Variants in TMEM132B observed in about 807,000 individuals in gnomAD.
The protein encoded by TMEM132B is transmembrane protein 132B.
A neutral mutation model predicts 90.8 loss-of-function variants in TMEM132B; 18 were observed. The observed-to-expected ratio is 0.20, with a 90% CI of 0.14 to 0.29. TMEM132B has a LOEUF of 0.29. Among genes scored for constraint, TMEM132B ranks in the 10% least tolerant of loss-of-function variants. TMEM132B has a pLI of 1.00. For synonymous variants in TMEM132B, 504 were observed against 523.3 expected (o/e 0.96, Z 0.50); for missense variants, 1,096 against 1,326.8 (o/e 0.83, Z 2.70).
chr12:125,425,281 T>A lies in TMEM132B; in HGVS notation c.1106+9604T>A, dbSNP rs191605209. Among the ~76,000 whole-genome samples the A allele has an allele frequency of 3.7e-4, 57 of 152,344 alleles. No homozygotes were observed. In the East Asian group the frequency reaches 7.1e-3, roughly 19 times the overall value. Reference sequence around the variant, plus strand: ...GACTTGTACAAAGAATTTTCAATTATACATTTACAAAAATGTAATAGCCTT... The same window carrying A: ...GACTTGTACAAAGAATTTTCAATTAAACATTTACAAAAATGTAATAGCCTT... On this transcript the variant is annotated intron_variant, in intron 3 of 8. Coordinates refer to ENST00000682704, the MANE Select transcript of TMEM132B (RefSeq NM_001366854.1).
At chr12:125,447,885 G>A (rs1262769901) in intron 3 of TMEM132B, among the ~76,000 whole-genome samples, 1 of 152,072 alleles carries the variant, frequency 6.6e-6, no homozygotes, top group African/African-American at 2.4e-5. Flanking sequence ...TACTTTCATG[G>A]TAATATTTCT....
At chr12:125,439,513 G>T (rs1465461641) in intron 3 of TMEM132B, among the ~76,000 whole-genome samples, 1 of 152,192 alleles carries the variant, frequency 6.6e-6, no homozygotes, top group Non-Finnish European at 1.5e-5. Flanking sequence ...TTTGCACATT[G>T]ATTTTGTATC....
intron 2 of TMEM132B, among the ~76,000 whole-genome samples, chr12:125,390,285 C>T (rs1878972132): frequency 6.6e-6 from 1 of 152,194 alleles, no homozygotes; most frequent in African/African-American, 2.4e-5. Context: ...TATATTCATG[C>T]AGTGAGAAAA....
At chr12:125,191,094 A>G (rs1465948654) in intron 1 of TMEM132B, among the ~76,000 whole-genome samples, 3 of 13,016 alleles carry the variant, frequency 2.3e-4, no homozygotes, top group Non-Finnish European at 3.9e-4. Flanking sequence ...AGGGGTGGCG[A>G]TGGTGATGGG....
intron 4 of TMEM132B, among the ~76,000 whole-genome samples, chr12:125,577,294 A>AT (rs1421468846): frequency 4.6e-5 from 7 of 150,590 alleles, no homozygotes; most frequent in Non-Finnish European, 8.9e-5. Context: ...TTCCTCTATA[A>AT]TTTTTTTTCC....
At chr12:125,368,700 A>G (rs1437159631) in intron 2 of TMEM132B, among the ~76,000 whole-genome samples, 2 of 152,198 alleles carry the variant, frequency 1.3e-5, no homozygotes, top group Non-Finnish European at 2.9e-5. Flanking sequence ...TATAGGACAC[A>G]TGCTCCTCAG....
At chr12:125,245,251 T>C (rs1218014106) in intron 1 of TMEM132B, among the ~76,000 whole-genome samples, 1 of 151,924 alleles carries the variant, frequency 6.6e-6, no homozygotes, top group Non-Finnish European at 1.5e-5. Flanking sequence ...CCTTTCCTTG[T>C]TCCCAGATGC....
intron 3 of TMEM132B, among the ~76,000 whole-genome samples, chr12:125,475,155 A>AGT (rs377654898): frequency 6.9e-4 from 104 of 151,630 alleles, no homozygotes; most frequent in African/African-American, 1.6e-3. Flanking sequence ...ATAAATTAGA[A>AGT]GTGTGTGTGT....
intron 5 of TMEM132B, among the ~76,000 whole-genome samples, chr12:125,616,078 T>C (rs1262413818): frequency 1.3e-5 from 2 of 148,426 alleles, no homozygotes; most frequent in Admixed American, 6.7e-5. Flanking sequence ...CATAATGCTA[T>C]CCCTCTCCCC....
At chr12:125,276,550 A>C (rs1257632021) in intron 1 of TMEM132B, among the ~76,000 whole-genome samples, 1 of 152,226 alleles carries the variant, frequency 6.6e-6, no homozygotes, top group Non-Finnish European at 1.5e-5. Context: ...GGTGTCCGTC[A>C]AGGCTGAATG....
rs997459671 is a variant in TMEM132B, at chr12:125,407,859, G to C, written c.960-7672G>C. ...CCTCCTGGCTCTGACTTACGTCCCT[G>C]TTACAATGCACTTGCTCTGTTTTGA... On this transcript the variant is annotated intron_variant, in intron 2 of 8. Coordinates refer to ENST00000682704, the MANE Select transcript of TMEM132B (RefSeq NM_001366854.1). The surrounding 1 kb of genome is among the most constrained non-coding windows in gnomAD (Gnocchi z 6.7). Among the ~76,000 whole-genome samples, 1 of 152,214 alleles carries C rather than the reference G, an allele frequency of 6.6e-6. No homozygotes were observed. The highest frequency in any genetic ancestry group is 1.5e-5 in the Non-Finnish European group (1 of 68,038).
At chr12:125,359,970 T>C (rs138768905) in intron 2 of TMEM132B, among the ~76,000 whole-genome samples, 1,748 of 152,120 alleles carry the variant, frequency 0.011, 36 homozygotes, top group African/African-American at 0.039. Flanking sequence ...CCCAGCTACT[T>C]GGGAGGCTGA....
intron 1 of TMEM132B, among the ~76,000 whole-genome samples, chr12:125,314,444 G>A (rs979447936): frequency 1.3e-5 from 2 of 152,198 alleles, no homozygotes; most frequent in Non-Finnish European, 2.9e-5. Flanking sequence ...CCTTGAAGGC[G>A]AGGAACAGGG....
intron 3 of TMEM132B, among the ~76,000 whole-genome samples, chr12:125,468,239 G>T (rs556351473): frequency 4.6e-5 from 7 of 151,824 alleles, no homozygotes; most frequent in Admixed American, 3.3e-4. Flanking sequence ...ATGTAGGAAG[G>T]TTCCAATTTC....
At chr12:125,215,789 G>A (rs1395455394) in intron 1 of TMEM132B, among the ~76,000 whole-genome samples, 2 of 152,180 alleles carry the variant, frequency 1.3e-5, no homozygotes, top group Non-Finnish European at 2.9e-5. Context: ...TGATCCACCC[G>A]CCTTGGCCTC....
chr12:125,650,009 G>A (rs1251940393), intron 6 of TMEM132B, among the ~76,000 whole-genome samples: 1 of 152,188 alleles, frequency 6.6e-6, no homozygotes, highest in Non-Finnish European at 1.5e-5. Context: ...GATTAGGGTA[G>A]GATGGTGGAA....
rs58175845 is a variant in TMEM132B, at chr12:125,534,219, T to A, written c.1293+14594T>A. ...ATCACTACAAGGAATACTGGTTTTTTAAAAATCACCTTGCTGGCTGGGCAC... is the reference window on the plus strand; with the variant it reads ...ATCACTACAAGGAATACTGGTTTTTAAAAAATCACCTTGCTGGCTGGGCAC... On this transcript the variant is annotated intron_variant, in intron 4 of 8. Transcript: ENST00000682704. 3.9e-3 allele frequency among the ~76,000 whole-genome samples: 590 copies of A among 152,244 alleles called. 4 individuals carry two copies. Among genetic ancestry groups the A allele is most frequent in the African/African-American group, 0.014 (569 of 41,516 alleles).
chr12:125,359,873 A>T (rs1213413372), intron 2 of TMEM132B, among the ~76,000 whole-genome samples: 1 of 152,156 alleles, frequency 6.6e-6, no homozygotes, highest in Non-Finnish European at 1.5e-5. Flanking sequence ...AGGTCAAGAG[A>T]TTGAGACCAT....
At chr12:125,614,153 G>C (rs952298803) in intron 5 of TMEM132B, among the ~76,000 whole-genome samples, 1 of 152,060 alleles carries the variant, frequency 6.6e-6, no homozygotes, top group Non-Finnish European at 1.5e-5. Flanking sequence ...TTAGAAATGT[G>C]AGTACATGTG....
Sources: allele counts gnomAD v4.1 joint callset (sites outside exome capture counted in the v4.1 genomes callset), GRCh38; gene constraint gnomAD v4.1.1; non-coding constraint Gnocchi (gnomAD v3.1); transcripts MANE v1.5; gene names NCBI Gene and HGNC (gene_info 2026-07-23, HGNC 2026-07-21).